DLGAP5: variants seen among roughly 807,000 people sequenced by gnomAD.
DLGAP5 encodes DLG associated protein 5.
DLGAP5 carries 90 observed loss-of-function variants against 99.6 expected under a neutral mutation model. The ratio of observed to expected loss-of-function variants is 0.90; its 90% CI spans 0.76 to 1.08. The LOEUF is 1.08. Among genes scored for constraint, DLGAP5 ranks in the 50% least tolerant of loss-of-function variants. The pLI, the probability that DLGAP5 is intolerant of heterozygous loss-of-function variation, is 0.00. For missense variants in DLGAP5, 1,036 were observed against 983.5 expected, an observed-to-expected ratio of 1.05 and a Z score of -0.71; for synonymous variants, 311 against 321.3, an observed-to-expected ratio of 0.97 and a Z score of 0.34.
At chr14:55,149,960 G>C (rs1327302965) in intron 18 of DLGAP5, among the ~76,000 whole-genome samples, 1 of 151,798 alleles carries the variant, frequency 6.6e-6, no homozygotes, top group African/African-American at 2.4e-5. Context: ...GGCTGAGGCA[G>C]GAGAATCGCT....
At chr14:55,170,850 C>G (rs865881872) in intron 10 of DLGAP5, 63 bp from the exon 11 acceptor site, 8 of 1,161,968 alleles carry the variant, frequency 6.9e-6, no homozygotes, top group Non-Finnish European at 1.0e-5. Context: ...TAAGTATTAG[C>G]ATAACATCAT....
Position 55,169,380 on chromosome 14 carries a change from G to A in DLGAP5, c.1548+19C>T. 3 of 883,492 alleles carry A rather than the reference G, an allele frequency of 3.4e-6. No individual in the cohort carries two copies. The highest frequency in any genetic ancestry group is 4.8e-6 in the Non-Finnish European group (3 of 620,876). The allele number at this position is 883,492 out of a possible 1,614,324, so 54.7% of individuals were successfully genotyped here. On this transcript the variant is annotated intron_variant, in intron 12 of 18. Coordinates refer to ENST00000247191, the MANE Select transcript of DLGAP5 (RefSeq NM_014750.5). Reference sequence around the variant, plus strand: ...AAAAAAGCCCTAAGTTAATATATTTGAAATATTGAACCACATACCTGAAAA... The same window carrying A: ...AAAAAAGCCCTAAGTTAATATATTTAAAATATTGAACCACATACCTGAAAA...
intron 5 of DLGAP5, among the ~76,000 whole-genome samples, chr14:55,180,980 G>A (rs1883253773): frequency 6.6e-6 from 1 of 152,098 alleles, no homozygotes; most frequent in South Asian, 2.1e-4. Flanking sequence ...AGCTGGGCAT[G>A]GTGGCAAGTC....
Position 55,180,667 on chromosome 14 carries a change from C to A in DLGAP5, c.692G>T (p.Arg231Ile). 1.9e-6 allele frequency: 3 copies of A among 1,614,196 alleles called. No homozygotes were observed. Among genetic ancestry groups the A allele is most frequent in the Non-Finnish European group, 2.5e-6 (3 of 1,180,028 alleles). The change falls in exon 6 of 19, where the codon AGA becomes ATA. Residue 231 changes from arginine to isoleucine, a missense_variant. Coordinates refer to ENST00000247191, the MANE Select transcript of DLGAP5 (RefSeq NM_014750.5). ...SSTTARKPVT[R>I]AANENEPEGK... The stretch of plus-strand genomic sequence containing the variant: ...GGAATAGTTCTCACCATTAGCAGCT[C>A]TTGTGACTGGCTTTCTTGCTGTGGT...
At chr14:55,165,939 C>T (rs1328833076) in intron 12 of DLGAP5, among the ~76,000 whole-genome samples, 1 of 152,176 alleles carries the variant, frequency 6.6e-6, no homozygotes, top group African/African-American at 2.4e-5. Flanking sequence ...ACAGAACACT[C>T]ATACATTGTT....
chr14:55,179,993 T>C (rs570063415), intron 6 of DLGAP5, among the ~76,000 whole-genome samples: 1 of 152,224 alleles, frequency 6.6e-6, no homozygotes, highest in South Asian at 2.1e-4. Flanking sequence ...AATATTTACA[T>C]TATACTTACA....
chr14:55,159,787 G>A (rs1882351693), intron 13 of DLGAP5, among the ~76,000 whole-genome samples: 1 of 152,182 alleles, frequency 6.6e-6, no homozygotes, highest in Non-Finnish European at 1.5e-5. Context: ...GAAAATTACG[G>A]AAGGAAAGAA....
intron 4 of DLGAP5, 80 bp from the exon 5 acceptor site, chr14:55,181,377 C>A: frequency 8.6e-7 from 1 of 1,168,826 alleles, no homozygotes; most frequent in East Asian, 2.6e-5. Context: ...AAATTGATTC[C>A]TCATATGAAA....
chr14:55,175,347 T>G lies in DLGAP5; in HGVS notation c.1300A>C (p.Arg434=), dbSNP rs984786369. The G allele has an allele frequency of 1.2e-6, 2 of 1,607,970 alleles. No individual in the cohort carries two copies. The highest frequency in any genetic ancestry group is 2.2e-5 in the East Asian group (1 of 44,522). Residue 434 remains arginine, a splice_region_variant and synonymous_variant, in exon 10 of 19, where the codon AGA becomes CGA. Coordinates refer to ENST00000247191, the MANE Select transcript of DLGAP5 (RefSeq NM_014750.5). ...TACACTAGAAACACACAGACATACC[T>G]GAAATATGGCACACCATGGTGGGGC... The part of the protein sequence containing the change: ...AQPHHGVPYF[R]NILQSETEKL...
Position 55,180,729 on chromosome 14 carries a change from A to C in DLGAP5, c.630T>G (p.Thr210=). The change falls in exon 6 of 19, where the codon ACT becomes ACG. Residue 210 remains threonine (T), a synonymous_variant. Transcript: ENST00000247191. ...TTCTGGGAACCTGCTTTGCTGCTTG[A>C]GTAGCTGATCGAGTCATTCTCAACG... is the stretch of plus-strand genomic sequence containing the variant. ...PTSLRMTRSA[T]QAAKQVPRTV... 6.2e-7 allele frequency: 1 copy of C among 1,614,142 alleles called. No individual in the cohort carries two copies. The highest frequency in any genetic ancestry group is 8.5e-7 in the Non-Finnish European group (1 of 1,180,018).
At chr14:55,184,164 A>AG (rs1192654959) in intron 2 of DLGAP5, among the ~76,000 whole-genome samples, 1 of 152,056 alleles carries the variant, frequency 6.6e-6, no homozygotes. Flanking sequence ...AGAAAAAAAA[A>AG]AAGGCTTTCA....
chr14:55,174,955 C>G (rs558806387), intron 10 of DLGAP5, among the ~76,000 whole-genome samples: 1 of 152,274 alleles, frequency 6.6e-6, no homozygotes, highest in African/African-American at 2.4e-5. Context: ...TCCCAAAGTG[C>G]TGGGATTACA....
In DLGAP5 at chr14:55,177,095, G is replaced by A. The variant is rs374223440; in HGVS notation, c.1016C>T (p.Pro339Leu). The change falls in exon 8 of 19, where the codon CCC becomes CTC. Residue 339 changes from proline (P) to leucine (L), a missense_variant. Coordinates refer to ENST00000247191, the MANE Select transcript of DLGAP5 (RefSeq NM_014750.5). The stretch of plus-strand genomic sequence containing the variant: ...TTTTAAAGGAGTCCAGGTGTAACTG[G>A]GTGTCAAAAAAGCATTGGCACTTCT... Reference protein sequence around the residue: ...TPRSANAFLTPSYTWTPLKTE... With the variant: ...TPRSANAFLTLSYTWTPLKTE... 4.5e-5 allele frequency: 69 copies of A among 1,517,974 alleles called. No homozygotes were observed. The highest frequency in any genetic ancestry group is 4.2e-5 in the Non-Finnish European group (48 of 1,138,162). 94.0% of individuals were successfully genotyped at this position (1,517,974 alleles called of 1,614,324 possible).
intron 3 of DLGAP5, among the ~76,000 whole-genome samples, chr14:55,182,845 T>C (rs1260128865): frequency 6.6e-6 from 1 of 152,170 alleles, no homozygotes; most frequent in Non-Finnish European, 1.5e-5. Context: ...GCTTAAACAC[T>C]CATCCATATT....
chr14:55,177,346 G>T lies in DLGAP5; in HGVS notation c.775-10C>A. The T allele has an allele frequency of 6.4e-7, 1 of 1,570,042 alleles. No homozygotes were observed. Among genetic ancestry groups the T allele is most frequent in the Non-Finnish European group, 8.6e-7 (1 of 1,163,156 alleles). On this transcript the variant is annotated splice_polypyrimidine_tract_variant and intron_variant, in intron 7 of 18. Transcript: ENST00000247191. Reference sequence around the variant, plus strand: ...CTTTACAAGAAATACCCTAGGATGTGAGTTAACAAAGTAGAGTAAGATTTC... The same window carrying T: ...CTTTACAAGAAATACCCTAGGATGTTAGTTAACAAAGTAGAGTAAGATTTC...
rs1050598397 is a variant in DLGAP5 at position 55,182,318 on chromosome 14, T to G, written c.495+52A>C. Reference sequence around the variant, plus strand: ...CTAGATTTAAAATGAATTTACTTACTAAAAAAGTGCAATTTATCATTTTAG... The same window carrying G: ...CTAGATTTAAAATGAATTTACTTACGAAAAAAGTGCAATTTATCATTTTAG... On this transcript the variant is annotated intron_variant, in intron 4 of 18. Transcript: ENST00000247191. 4.4e-5 allele frequency: 65 copies of G among 1,473,298 alleles called. 1 individual carries two copies. The highest frequency in any genetic ancestry group is 2.5e-4 in the Admixed American group (13 of 51,260). The allele number at this position is 1,473,298 out of a possible 1,614,324, so 91.3% of individuals were successfully genotyped here.
At chr14:55,169,105 G>A (rs994320607) in intron 12 of DLGAP5, among the ~76,000 whole-genome samples, 2 of 147,836 alleles carry the variant, frequency 1.4e-5, no homozygotes, top group Non-Finnish European at 3.0e-5. Flanking sequence ...GAACCTGGGG[G>A]GCAGAGACAG....
chr14:55,179,264 C>A (rs894486990), intron 7 of DLGAP5, among the ~76,000 whole-genome samples: 1 of 152,104 alleles, frequency 6.6e-6, no homozygotes, highest in Non-Finnish European at 1.5e-5. Flanking sequence ...CAGGGTTATG[C>A]AACTAATTGG....
intron 12 of DLGAP5, among the ~76,000 whole-genome samples, chr14:55,164,921 C>CAAA (rs764017142): frequency 5.1e-5 from 2 of 39,212 alleles, no homozygotes; most frequent in African/African-American, 3.6e-4. Flanking sequence ...GACTCTGTCT[C>CAAA]AAAAAAAAAA....
Sources: allele counts gnomAD v4.1 joint callset (sites outside exome capture counted in the v4.1 genomes callset), GRCh38; gene constraint gnomAD v4.1.1; transcripts MANE v1.5; gene names NCBI Gene and HGNC (gene_info 2026-07-23, HGNC 2026-07-21).